The following KMT2B variants were observed in gnomAD, a reference collection of about 807,000 sequenced individuals.
KMT2B encodes the protein histone-lysine N-methyltransferase 2B.
In KMT2B, 22 loss-of-function variants were observed where a neutral mutation model predicts 255.3. That is an observed-to-expected ratio of 0.09 (90% CI 0.06 to 0.12). The LOEUF is 0.12. Ranked by LOEUF, KMT2B falls within the 10% of genes least tolerant of loss-of-function variation. The pLI is 1.00. For synonymous variants in KMT2B, 1,730 were observed against 1,498.1 expected (o/e 1.15, Z -3.57); for missense variants, 3,149 against 3,737.0 (o/e 0.84, Z 4.10).
At position 35,723,722 on chromosome 19, in the gene KMT2B, G is replaced by C; in HGVS notation, c.3059-10G>C. The C allele has an allele frequency of 6.6e-7, 1 of 1,520,704 alleles. No homozygotes were observed. The highest frequency in any genetic ancestry group is 8.8e-7 in the Non-Finnish European group (1 of 1,134,384). The allele number at this position is 1,520,704 out of a possible 1,614,324, so 94.2% of individuals were successfully genotyped here. A position where few individuals can be genotyped will look rare whatever the true frequency, so the allele number is the denominator to read the frequency against. On this transcript the variant is annotated splice_polypyrimidine_tract_variant and intron_variant, in intron 7 of 36. Coordinates refer to ENST00000420124, the MANE Select transcript of KMT2B (RefSeq NM_014727.3). The surrounding 1 kb of genome is among the most constrained non-coding windows in gnomAD (Gnocchi z 7.5). ...GAGCTCAAATCCTACTAAGTCCCCT[G>C]TTCCCGCAGGCCGGACGATAGTGAA... is the stretch of plus-strand genomic sequence containing the variant.
rs1969960458 is a variant in KMT2B at position 35,737,411 on chromosome 19, G to A, written c.7550+148G>A. The A allele has an allele frequency of 6.2e-6, 6 of 972,818 alleles. No individual in the cohort carries two copies. The highest frequency in any genetic ancestry group is 5.3e-5 in the South Asian group (3 of 56,176). 60.3% of individuals were successfully genotyped at this position (972,818 alleles called of 1,614,324 possible). The stretch of plus-strand genomic sequence containing the variant: ...TTATTTCTAGAGTTAGCCAGGCTCC[G>A]TGGCTCATGCCTGTAATCCCGCCAC... On this transcript the variant is annotated intron_variant, in intron 33 of 36. Coordinates refer to ENST00000420124, the MANE Select transcript of KMT2B (RefSeq NM_014727.3). The surrounding 1 kb of genome is among the most constrained non-coding windows in gnomAD (Gnocchi z 5.3).
chr19:35,719,557 A>C lies in KMT2B; in HGVS notation c.436+16A>C. Reference sequence around the variant, plus strand: ...TCCCAGCGAGGTGAGTGACGGGGGAACTCCACCTCTTTAGCGTCACAGGAA... The same window carrying C: ...TCCCAGCGAGGTGAGTGACGGGGGACCTCCACCTCTTTAGCGTCACAGGAA... On this transcript the variant is annotated intron_variant, in intron 2 of 36. Coordinates refer to ENST00000420124, the MANE Select transcript of KMT2B (RefSeq NM_014727.3). The C allele has an allele frequency of 6.3e-7, 1 of 1,578,538 alleles. No homozygotes were observed. Among genetic ancestry groups the C allele is most frequent in the Non-Finnish European group, 8.6e-7 (1 of 1,160,960 alleles).
chr19:35,729,356 G>C, intron 22 of KMT2B, 60 bp downstream of exon 22: 1 of 1,537,666 alleles, frequency 6.5e-7, no homozygotes, highest in South Asian at 1.2e-5. Flanking sequence ...GCCTCCTCCG[G>C]TGCAAACAGC....
chr19:35,734,879 CAG>C (rs1278807574), intron 30 of KMT2B, among the ~76,000 whole-genome samples: 1 of 152,166 alleles, frequency 6.6e-6, no homozygotes, highest in Non-Finnish European at 1.5e-5. Context: ...AGCTGGGAAG[CAG>C]AGTGACGTGG....
intron 22 of KMT2B, 129 bp downstream of exon 22, chr19:35,729,425 G>C: frequency 7.7e-7 from 1 of 1,290,490 alleles, no homozygotes; most frequent in Non-Finnish European, 1.1e-6. Context: ...TCTCTTGGTT[G>C]CCCTGGGACG....
At position 35,733,613 on chromosome 19, in the gene KMT2B, A is replaced by G. The variant is rs1039247530; in HGVS notation, c.6976A>G (p.Met2326Val). 3.2e-6 allele frequency: 5 copies of G among 1,585,746 alleles called. No homozygotes were observed. The highest frequency in any genetic ancestry group is 1.3e-5 in the African/African-American group (1 of 74,246). ...CCCTCCCAGGTTTAGCCGTGTGAGG[A>G]TGAAAACCCCCACAGTGCGTGGGGT... is the stretch of plus-strand genomic sequence containing the variant. The part of the protein sequence containing the change: ...LGSGGFSRVR[M>V]KTPTVRGVLD... Residue 2326 changes from methionine to valine, a missense_variant, in exon 29 of 37, where the codon ATG becomes GTG. By Grantham distance (21) the Met-to-Val change is conservative. This residue lies in a region of KMT2B where 897 missense variants were observed against 825.3 expected (regional missense o/e 1.09). Transcript: ENST00000420124. The surrounding 1 kb of genome is among the most constrained non-coding windows in gnomAD (Gnocchi z 4.3).
rs561571000 is a variant in KMT2B, at chr19:35,731,353, G to A, written c.5437+486G>A. Among the ~76,000 whole-genome samples, 8 of 152,366 alleles carry A rather than the reference G, an allele frequency of 5.3e-5. 1 individual carries two copies. In the South Asian group the frequency reaches 1.2e-3, roughly 24 times the overall value. The stretch of plus-strand genomic sequence containing the variant: ...GCAAAGAATGGGCTTGGAGATGGGG[G>A]AGAGGTTATTGTGGGCAGAGCAGGA... On this transcript the variant is annotated intron_variant, in intron 26 of 36. Coordinates refer to ENST00000420124, the MANE Select transcript of KMT2B (RefSeq NM_014727.3).
rs779063102 is a variant in KMT2B at position 35,720,624 on chromosome 19, C to T, written c.1277C>T (p.Pro426Leu). ...PLPPPSTSPP[P>L]PLCPPPPPPV... ...CCACCCCCTTCGACATCTCCTCCAC[C>T]CCCACTCTGCCCTCCACCACCACCC... The change falls in exon 3 of 37, where the codon CCC (proline) becomes CTC (leucine). Residue 426 changes from proline to leucine, a missense_variant. Around this residue, in one of 18 missense-constraint regions of KMT2B, gnomAD observed 1,188 missense variants for 1,106.4 expected, o/e 1.07. Coordinates refer to ENST00000420124, the MANE Select transcript of KMT2B (RefSeq NM_014727.3). 33 of 1,477,482 alleles carry T rather than the reference C, an allele frequency of 2.2e-5. No homozygotes were observed. The African/African-American group carries it at 3.8e-4, about 17-fold the overall frequency. The allele number at this position is 1,477,482 out of a possible 1,614,324, so 91.5% of individuals were successfully genotyped here.
rs765444226 is a variant in KMT2B, at chr19:35,730,687, C to T, written c.5277-20C>T. 9.9e-6 allele frequency: 16 copies of T among 1,613,774 alleles called. No homozygotes were observed. Among genetic ancestry groups the T allele is most frequent in the South Asian group, 6.6e-5 (6 of 91,088 alleles). On this transcript the variant is annotated intron_variant, in intron 25 of 36. Transcript: ENST00000420124. Reference sequence around the variant, plus strand: ...GATCCCATTTCCCAAGCATCCTAACCGTCTTATCCCACATGCCAGGTGCTC... The same window carrying T: ...GATCCCATTTCCCAAGCATCCTAACTGTCTTATCCCACATGCCAGGTGCTC...
Position 35,718,528 on chromosome 19 carries a change from C to A in KMT2B, c.363+147C>A. On this transcript the variant is annotated intron_variant, in intron 1 of 36. Transcript: ENST00000420124. The surrounding 1 kb of genome is among the most constrained non-coding windows in gnomAD (Gnocchi z 5.0). ...GGCACGGAGGGAGGGCGGCTGCATG[C>A]AGCTTCCGGGGGAAAGGGCCTCTGG... 1 of 1,005,812 alleles carries A rather than the reference C, an allele frequency of 9.9e-7. No individual in the cohort carries two copies. Among genetic ancestry groups the A allele is most frequent in the Non-Finnish European group, 1.3e-6 (1 of 790,390 alleles). 62.3% of individuals were successfully genotyped at this position (1,005,812 alleles called of 1,614,324 possible).
chr19:35,729,255 C>A lies in KMT2B; in HGVS notation c.4876C>A (p.Leu1626Ile). The change falls in exon 22 of 37, where the codon CTC (leucine) becomes ATC (isoleucine). Residue 1626 changes from leucine to isoleucine, a missense_variant. This residue lies in a region of KMT2B where 14 missense variants were observed against 16.7 expected (regional missense o/e 0.84). Coordinates refer to ENST00000420124, the MANE Select transcript of KMT2B (RefSeq NM_014727.3). Reference sequence around the variant, plus strand: ...AGTCTTCGAGGAGAACGACGGCTCCCTCAAGAATGTGCATGCTGCTGTGGC... The same window carrying A: ...AGTCTTCGAGGAGAACGACGGCTCCATCAAGAATGTGCATGCTGCTGTGGC... The part of the protein sequence containing the change: ...AEVFEENDGS[L>I]KNVHAAVARG... The A allele has an allele frequency of 6.2e-7, 1 of 1,604,318 alleles. No individual in the cohort carries two copies. Among genetic ancestry groups the A allele is most frequent in the East Asian group, 2.3e-5 (1 of 44,384 alleles).
intron 20 of KMT2B, 21 bp downstream of exon 20, chr19:35,728,910 A>G (rs1969575029): frequency 6.2e-7 from 1 of 1,611,708 alleles, no homozygotes; most frequent in Non-Finnish European, 8.5e-7. Context: ...GTGGGGGTCC[A>G]GAAGCCAGGG....
intron 13 of KMT2B, among the ~76,000 whole-genome samples, 197 bp from the exon 14 acceptor site, chr19:35,726,039 T>G (rs1241522745): frequency 6.6e-6 from 1 of 152,222 alleles, no homozygotes; most frequent in Non-Finnish European, 1.5e-5. Flanking sequence ...TTCCGTGGGC[T>G]CAGAATCCCC....
chr19:35,729,203 C>T lies in KMT2B; in HGVS notation c.4824C>T (p.His1608=), dbSNP rs374382876. 74 of 1,612,566 alleles carry T rather than the reference C, an allele frequency of 4.6e-5. No homozygotes were observed. Among genetic ancestry groups the T allele is most frequent in the South Asian group, 3.3e-4 (30 of 90,820 alleles). Residue 1608 remains histidine, a synonymous_variant, in exon 22 of 37, where the codon CAC becomes CAT. Coordinates refer to ENST00000420124, the MANE Select transcript of KMT2B (RefSeq NM_014727.3). The part of the protein sequence containing the change: ...LLYIGQNEWT[H]VNCAIWSAEV... ...ACATCGGGCAGAACGAGTGGACACA[C>T]GTCAACTGTGCCATCTGGTCGGCGG... is the stretch of plus-strand genomic sequence containing the variant.
In KMT2B at chr19:35,719,823, C is replaced by G; in HGVS notation, c.476C>G (p.Thr159Ser). 1 of 1,608,528 alleles carries G rather than the reference C, an allele frequency of 6.2e-7. No individual in the cohort carries two copies. The highest frequency in any genetic ancestry group is 2.2e-5 in the East Asian group (1 of 44,804). The change falls in exon 3 of 37, where the codon ACC becomes AGC. Residue 159 changes from threonine (T) to serine (S), a missense_variant. Physicochemically the swap from Thr to Ser is moderately conservative, Grantham distance 58 (BLOSUM62 1). This residue lies in a region of KMT2B where 1,188 missense variants were observed against 1,106.4 expected (regional missense o/e 1.07). Coordinates refer to ENST00000420124, the MANE Select transcript of KMT2B (RefSeq NM_014727.3). ...PRGRGRKHKT[T>S]PLPPPRLADV... ...GGTCGGGGTCGCAAGCATAAGACGA[C>G]CCCCCTTCCTCCTCCTCGCCTAGCA... is the stretch of plus-strand genomic sequence containing the variant.
chr19:35,721,429 G>T lies in KMT2B; in HGVS notation c.2082G>T (p.Arg694=). 6.2e-7 allele frequency: 1 copy of T among 1,612,084 alleles called. No individual in the cohort carries two copies. ...ADDSPAEPEP[R]AVGRTNHLSL... ...ACTCTCCAGCTGAGCCTGAGCCTCG[G>T]GCAGTGGGCCGCACCAACCACCTCA... The change falls in exon 3 of 37, where the codon CGG becomes CGT. Residue 694 remains arginine, a synonymous_variant. Transcript: ENST00000420124.
In KMT2B at chr19:35,738,715, ACCCCTCCAG is replaced by A. The variant is rs1970018879; in HGVS notation, c.*162_*170del. The stretch of plus-strand genomic sequence containing the variant: ...TGCAGGTGACAAGGGCCCTGCCTCC[ACCCCTCCAG>A]CCCATCCAGCAATCGCCCCCTTTCT... On this transcript the variant is annotated 3_prime_UTR_variant, in exon 37 of 37. Transcript: ENST00000420124. The surrounding 1 kb of genome is among the most constrained non-coding windows in gnomAD (Gnocchi z 8.7). The A allele has an allele frequency of 1.3e-6, 1 of 766,168 alleles. No individual in the cohort carries two copies. Among genetic ancestry groups the A allele is most frequent in the Admixed American group, 2.9e-5 (1 of 34,664 alleles). The allele number at this position is 766,168 out of a possible 1,614,324, so 47.5% of individuals were successfully genotyped here.
chr19:35,733,298 G>A lies in KMT2B; in HGVS notation c.6749G>A (p.Arg2250His), dbSNP rs775887663. 14 of 1,393,868 alleles carry A rather than the reference G, an allele frequency of 1.0e-5. No homozygotes were observed. The highest frequency in any genetic ancestry group is 1.0e-4 in the East Asian group (4 of 39,904). The allele number at this position is 1,393,868 out of a possible 1,614,324, so 86.3% of individuals were successfully genotyped here. ...LGVLPVVGVV[R>H]PAPPPPPPPL... The stretch of plus-strand genomic sequence containing the variant: ...GTGCTGCCCGTGGTCGGAGTGGTCC[G>A]CCCTGCCCCGCCCCCGCCACCCCCT... Residue 2250 changes from arginine (R) to histidine (H), a missense_variant, in exon 28 of 37, where the codon CGC (arginine) becomes CAC (histidine). Transcript: ENST00000420124. This position sits in a 1 kb window ranked among gnomAD's most constrained non-coding sequence, Gnocchi z 4.3.
At chr19:35,729,329 C>T (rs1315737696) in intron 22 of KMT2B, 33 bp downstream of exon 22, 2 of 1,566,750 alleles carry the variant, frequency 1.3e-6, no homozygotes, top group Non-Finnish European at 8.6e-7. Context: ...GTGGACAGCT[C>T]TCTGGCTCTT....
Sources: gnomAD v4.1 joint callset for allele counts (sites outside exome capture counted in the v4.1 genomes callset) on GRCh38, gnomAD v4.1.1 for gene constraint, gnomAD v4.1.1 regional missense constraint, Gnocchi (gnomAD v3.1) non-coding constraint, MANE v1.5 for transcripts, NCBI Gene and HGNC (gene_info 2026-07-23, HGNC 2026-07-21) for gene names.